The following DIAPH2 variants were observed in gnomAD, a reference collection of about 807,000 sequenced individuals.
The protein encoded by DIAPH2 is diaphanous related formin 2, also known as protein diaphanous homolog 2.
DIAPH2 carries 35 observed loss-of-function variants against 92.7 expected under a neutral mutation model. That is an observed-to-expected ratio of 0.38 (90% CI 0.29 to 0.50). The LOEUF (loss-of-function observed/expected upper bound fraction) is 0.50, where lower values mean the gene tolerates loss of function less well. DIAPH2 is among the 20% of genes least tolerant of loss of function. The probability of loss-of-function intolerance (pLI) is 0.94; values close to 1 mark genes in which losing one functional copy is unlikely to be tolerated. For missense variants in DIAPH2, 701 were observed against 819.5 expected, an observed-to-expected ratio of 0.86 and a Z score of 1.77; for synonymous variants, 301 against 280.4, an observed-to-expected ratio of 1.07 and a Z score of -0.73.
intron 4 of DIAPH2, among the ~76,000 whole-genome samples, chrX:96,815,390 G>A (rs1442027599): frequency 1.8e-5 from 2 of 111,751 alleles, no homozygotes; most frequent in Non-Finnish European, 3.8e-5. Flanking sequence ...GGAAAGCACA[G>A]TATTTGGGCC....
intron 16 of DIAPH2, among the ~76,000 whole-genome samples, chrX:96,962,295 A>G (rs2065855814): frequency 1.7e-5 from 1 of 59,780 alleles, no homozygotes; most frequent in African/African-American, 6.1e-5. Context: ...ACATATATAT[A>G]TATACATATA....
intron 20 of DIAPH2, among the ~76,000 whole-genome samples, chrX:97,109,120 A>G (rs1258129204): frequency 1.8e-5 from 2 of 111,569 alleles, no homozygotes; most frequent in Non-Finnish European, 3.8e-5. Context: ...GCAGTAGGTC[A>G]TACAACTAGA....
chrX:97,268,129 C>A (rs1042718171), intron 23 of DIAPH2, among the ~76,000 whole-genome samples: 3 of 112,136 alleles, frequency 2.7e-5, no homozygotes, highest in Non-Finnish European at 5.6e-5. Context: ...GATCTGATTT[C>A]TGGCCAATTT....
chrX:96,942,807 T>C (rs1286727267), intron 13 of DIAPH2, among the ~76,000 whole-genome samples: 1 of 111,479 alleles, frequency 9.0e-6, no homozygotes, highest in Admixed American at 9.5e-5. Context: ...GGCTAAGCAG[T>C]CTTATTTATA....
At chrX:96,855,081 AT>A in intron 4 of DIAPH2, among the ~76,000 whole-genome samples, 1 of 110,472 alleles carries the variant, frequency 9.1e-6, no homozygotes, top group Admixed American at 9.7e-5. Context: ...CTAATTTCTT[AT>A]TTTTTTATTT....
At chrX:97,008,474 T>C (rs1037794593) in intron 17 of DIAPH2, among the ~76,000 whole-genome samples, 4 of 111,796 alleles carry the variant, frequency 3.6e-5, no homozygotes, top group African/African-American at 1.3e-4. Context: ...TTGATTCTTA[T>C]GGATATTCCT....
At chrX:97,072,828 T>C in intron 17 of DIAPH2, 113 bp from the exon 18 acceptor site, 1 of 433,353 alleles carries the variant, frequency 2.3e-6, no homozygotes, top group East Asian at 4.2e-5. Flanking sequence ...AATCAACACA[T>C]TTATTGATTT....
intron 24 of DIAPH2, among the ~76,000 whole-genome samples, chrX:97,365,774 C>T (rs2069375218): frequency 9.4e-6 from 1 of 106,097 alleles, no homozygotes; most frequent in South Asian, 4.4e-4. Flanking sequence ...GGTACAATCT[C>T]GGCTCACTGC....
At chrX:96,785,554 G>C (rs866236887) in intron 4 of DIAPH2, among the ~76,000 whole-genome samples, 4 of 96,954 alleles carry the variant, frequency 4.1e-5, no homozygotes, top group Admixed American at 1.2e-4. Context: ...TGCAATCTGC[G>C]CTCGCCTCCT....
intron 4 of DIAPH2, among the ~76,000 whole-genome samples, chrX:96,810,761 T>G (rs1330754966): frequency 8.9e-6 from 1 of 111,810 alleles, no homozygotes. Context: ...CCCAGCACCA[T>G]TTATTAAATA....
intron 1 of DIAPH2, among the ~76,000 whole-genome samples, chrX:96,712,460 A>G (rs1052739186): frequency 1.8e-5 from 2 of 110,809 alleles, no homozygotes; most frequent in African/African-American, 3.3e-5. Context: ...ACCCTTTCCT[A>G]TTCCTAATGT....
intron 26 of DIAPH2, among the ~76,000 whole-genome samples, chrX:97,503,480 C>A (rs1260663098): frequency 3.6e-5 from 4 of 111,489 alleles, no homozygotes; most frequent in Non-Finnish European, 7.5e-5. Flanking sequence ...AGAACCAGGC[C>A]CAGAGAGGGT....
intron 22 of DIAPH2, among the ~76,000 whole-genome samples, chrX:97,145,290 G>GTAGTAT: frequency 9.7e-6 from 1 of 102,881 alleles, no homozygotes; most frequent in South Asian, 4.5e-4. Flanking sequence ...ACCAGTAGTA[G>GTAGTAT]TAGTAGTAGT....
At chrX:96,739,836 G>A (rs1451161780) in intron 3 of DIAPH2, among the ~76,000 whole-genome samples, 1 of 111,335 alleles carries the variant, frequency 9.0e-6, no homozygotes, top group Non-Finnish European at 1.9e-5. Context: ...CTCCTTTCGT[G>A]CTATCTTCTT....
At chrX:97,435,997 G>A (rs781775738) in intron 26 of DIAPH2, among the ~76,000 whole-genome samples, 1 of 110,101 alleles carries the variant, frequency 9.1e-6, no homozygotes, top group Admixed American at 9.7e-5. Flanking sequence ...AGTAGAGGCG[G>A]GGTTTCACCG....
rs902815852 is a variant in DIAPH2, at chrX:97,239,830, A to G, written c.2720-7885A>G. Among the ~76,000 whole-genome samples, 16 of 81,086 alleles carry G rather than the reference A, an allele frequency of 2.0e-4. 1 individual carries two copies. The highest frequency in any genetic ancestry group is 3.6e-4 in the Non-Finnish European group (15 of 41,180). 70.4% of individuals were successfully genotyped at this position (81,086 alleles called of 115,157 possible). On this transcript the variant is annotated intron_variant, in intron 22 of 26. Transcript: ENST00000324765. Reference sequence around the variant, plus strand: ...CCATCATCACCCTGCAACCTCTAGTAAAAATCTCTCTCTCTCTCTCTCTCT... The same window carrying G: ...CCATCATCACCCTGCAACCTCTAGTGAAAATCTCTCTCTCTCTCTCTCTCT...
At chrX:97,268,959 C>T (rs1464550182) in intron 23 of DIAPH2, among the ~76,000 whole-genome samples, 3 of 106,002 alleles carry the variant, frequency 2.8e-5, no homozygotes, top group Non-Finnish European at 3.9e-5. Flanking sequence ...CAGGTTCCAG[C>T]GATTCTCCTG....
At chrX:97,594,962 C>G (rs1403742681) in intron 26 of DIAPH2, among the ~76,000 whole-genome samples, 1 of 111,053 alleles carries the variant, frequency 9.0e-6, no homozygotes, top group Non-Finnish European at 1.9e-5. Flanking sequence ...TTTTCAATCC[C>G]AAGTTTACCG....
chrX:97,345,325 G>A (rs191056115), intron 23 of DIAPH2, among the ~76,000 whole-genome samples: 24 of 111,385 alleles, frequency 2.2e-4, no homozygotes, highest in African/African-American at 7.2e-4. Flanking sequence ...TAATACTTAC[G>A]TAGCATAAAA....
Sources: gnomAD v4.1 joint callset for allele counts (sites outside exome capture counted in the v4.1 genomes callset) on GRCh38, gnomAD v4.1.1 for gene constraint, MANE v1.5 for transcripts, NCBI Gene and HGNC (gene_info 2026-07-23, HGNC 2026-07-21) for gene names.